Variants in DHCR7 observed in about 807,000 individuals in gnomAD.
The protein encoded by DHCR7 is 7-dehydrocholesterol reductase.
In DHCR7, 40 loss-of-function variants were observed where a neutral mutation model predicts 43.3. The ratio of observed to expected loss-of-function variants is 0.92; its 90% confidence interval spans 0.72 to 1.20. The LOEUF (loss-of-function observed/expected upper bound fraction) is 1.20, where lower values mean the gene tolerates loss of function less well. DHCR7 is among the 50% of genes most tolerant of loss of function. The pLI is 0.00. For missense variants in DHCR7, 608 were observed against 644.6 expected (o/e 0.94, Z 0.62); for synonymous variants, 298 against 271.4 (o/e 1.10, Z -0.96).
At chr11:71,445,046 G>T in intron 2 of DHCR7, 88 bp from the exon 3 acceptor site, 1 of 1,143,274 alleles carries the variant, frequency 8.7e-7, no homozygotes, top group Non-Finnish European at 1.3e-6. Context: ...CCTGGGCCTG[G>T]CAGGGCTGGC....
chr11:71,438,642 AC>A (rs1949314899), intron 7 of DHCR7: 1 of 595,570 alleles, frequency 1.7e-6, no homozygotes. Flanking sequence ...ACCTTCCTGG[AC>A]CACGCCTGGC....
rs576498440 is a variant in DHCR7 at position 71,434,434 on chromosome 11, T to C, written c.*941A>G. ...ACTTATTTGAACAGGGGAAGTTTAA[T>C]ATAAAGATGAACTCTACTCGGAGCA... On this transcript the variant is annotated 3_prime_UTR_variant, in exon 9 of 9. Transcript: ENST00000355527. 1 of 153,284 alleles carries C rather than the reference T, an allele frequency of 6.5e-6. No individual in the cohort carries two copies. The allele number at this position is 153,284 out of a possible 1,614,324, so 9.5% of individuals were successfully genotyped here.
At chr11:71,448,807 C>A (rs991406650), upstream of DHCR7, 1 of 152,278 alleles carries the variant, frequency 6.6e-6, no homozygotes, top group Non-Finnish European at 1.5e-5. Context: ...GCCGGTGCAC[C>A]GCAAGGAGCA....
downstream of DHCR7, among the ~76,000 whole-genome samples, chr11:71,427,871 C>T (rs1167563127): frequency 6.6e-6 from 1 of 152,148 alleles, no homozygotes; most frequent in East Asian, 1.9e-4. Context: ...TGGCCTTATA[C>T]CGTATCCAGC....
Position 71,435,859 on chromosome 11 carries a change from G to A in DHCR7, c.964-20C>T, listed in dbSNP as rs1436223632. On this transcript the variant is annotated intron_variant, in intron 8 of 8. Coordinates refer to ENST00000355527, the MANE Select transcript of DHCR7 (RefSeq NM_001360.3). ...CAGACCCTGGGGGGCGAGGGGGAAG[G>A]GGTCAAGCGGTGCTTTGCCCAGGGA... is the stretch of plus-strand genomic sequence containing the variant. 4.4e-6 allele frequency: 7 copies of A among 1,586,522 alleles called. 1 individual carries two copies. Among genetic ancestry groups the A allele is most frequent in the Middle Eastern group, 1.7e-4 (1 of 6,042 alleles).
At chr11:71,448,685 C>A (rs965019399), upstream of DHCR7, 36 of 152,300 alleles carry the variant, frequency 2.4e-4, no homozygotes, top group African/African-American at 8.4e-4. Flanking sequence ...CCACGTGGGC[C>A]GCGCGGAGAA....
intron 6 of DHCR7, among the ~76,000 whole-genome samples, chr11:71,439,345 C>T (rs1949325249): frequency 6.6e-6 from 1 of 152,172 alleles, no homozygotes; most frequent in Non-Finnish European, 1.5e-5. Flanking sequence ...GGGGCACCTG[C>T]TCTGCACCCG....
rs570180636 is a variant in DHCR7, at chr11:71,435,366, G to A, written c.*9C>T. 1.2e-6 allele frequency: 2 copies of A among 1,611,058 alleles called. No homozygotes were observed. The highest frequency in any genetic ancestry group is 1.7e-5 in the Admixed American group (1 of 60,022). ...ACAGCCCCACAGGGCTTCTCCCTAGGGCGTGCCCTTAGAAGATTCCAGGCA... is the reference window on the plus strand; with the variant it reads ...ACAGCCCCACAGGGCTTCTCCCTAGAGCGTGCCCTTAGAAGATTCCAGGCA... On this transcript the variant is annotated 3_prime_UTR_variant, in exon 9 of 9. Transcript: ENST00000355527.
At chr11:71,445,315 C>A (rs1349173009) in intron 2 of DHCR7, among the ~76,000 whole-genome samples, 1 of 152,228 alleles carries the variant, frequency 6.6e-6, no homozygotes, top group Admixed American at 6.5e-5. Flanking sequence ...CAGGGGTCTT[C>A]ACTCATCCTT....
At chr11:71,437,642 C>T (rs938795677) in intron 8 of DHCR7, among the ~76,000 whole-genome samples, 170 bp downstream of exon 8, 3 of 152,222 alleles carry the variant, frequency 2.0e-5, no homozygotes, top group Admixed American at 2.0e-4. Context: ...AAGGCCACCT[C>T]CCTGGCTGCT....
intron 4 of DHCR7, among the ~76,000 whole-genome samples, chr11:71,443,158 A>G (rs11606033): frequency 0.58 from 87,911 of 152,110 alleles, 27,498 homozygotes; most frequent in Non-Finnish European, 0.74. Flanking sequence ...AGTGTCCCAC[A>G]GTGGGCACAG....
intron 6 of DHCR7, among the ~76,000 whole-genome samples, chr11:71,440,227 C>A (rs936840006): frequency 4.6e-5 from 7 of 152,150 alleles, no homozygotes; most frequent in Non-Finnish European, 1.0e-4. Context: ...TCAGGAGCTG[C>A]GGACATTGCT....
downstream of DHCR7, among the ~76,000 whole-genome samples, chr11:71,430,603 C>T (rs76346843): frequency 0.012 from 1,824 of 152,326 alleles, 38 homozygotes; most frequent in African/African-American, 0.042. Flanking sequence ...TTTCTGGGTA[C>T]TCACACTAGC....
intron 8 of DHCR7, among the ~76,000 whole-genome samples, chr11:71,437,528 G>A (rs1273287562): frequency 6.6e-6 from 1 of 152,142 alleles, no homozygotes; most frequent in African/African-American, 2.4e-5. Flanking sequence ...GGAATGAAGA[G>A]GACCCCTCCT....
Position 71,434,460 on chromosome 11 carries a change from T to C in DHCR7, c.*915A>G, listed in dbSNP as rs1374049513. ...ATAAAGATGAACTCTACTCGGAGCA[T>C]AGAGTTTAAAAAGAGTTCTACACAA... On this transcript the variant is annotated 3_prime_UTR_variant, in exon 9 of 9. Coordinates refer to ENST00000355527, the MANE Select transcript of DHCR7 (RefSeq NM_001360.3). The C allele has an allele frequency of 1.3e-5, 2 of 152,616 alleles. No homozygotes were observed. Among genetic ancestry groups the C allele is most frequent in the Admixed American group, 1.3e-4 (2 of 15,316 alleles). The allele number at this position is 152,616 out of a possible 1,614,324, so 9.5% of individuals were successfully genotyped here. A position where few individuals can be genotyped will look rare whatever the true frequency, so the allele number is the denominator to read the frequency against.
chr11:71,444,849 C>A lies in DHCR7; in HGVS notation c.98+6G>T. On this transcript the variant is annotated splice_donor_region_variant and intron_variant, in intron 3 of 8. Transcript: ENST00000355527. ...TTCTAGCTGGGAGAACAGGCAAGAT[C>A]CTTACCAGGCACGGCCCCACTGCCC... is the stretch of plus-strand genomic sequence containing the variant. 1 of 1,613,308 alleles carries A rather than the reference C, an allele frequency of 6.2e-7. No homozygotes were observed. Among genetic ancestry groups the A allele is most frequent in the Non-Finnish European group, 8.5e-7 (1 of 1,179,204 alleles).
intron 3 of DHCR7, 80 bp downstream of exon 3, chr11:71,444,775 G>A: frequency 8.0e-7 from 1 of 1,249,796 alleles, no homozygotes; most frequent in Admixed American, 1.7e-5. Flanking sequence ...TCATTCCTTT[G>A]GGTCCATACA....
chr11:71,444,219 C>A lies in DHCR7; in HGVS notation c.99-4G>T. ...CAGTGAAAACCAGTCCACCTCCCTG[C>A]GAGGACGGATGCAGGCAGTCACACT... On this transcript the variant is annotated splice_polypyrimidine_tract_variant and splice_region_variant and intron_variant, in intron 3 of 8. Coordinates refer to ENST00000355527, the MANE Select transcript of DHCR7 (RefSeq NM_001360.3). The A allele has an allele frequency of 3.8e-6, 6 of 1,575,674 alleles. No individual in the cohort carries two copies. The highest frequency in any genetic ancestry group is 1.8e-5 in the Admixed American group (1 of 54,296).
chr11:71,431,556 AC>A (rs1394994238), downstream of DHCR7, among the ~76,000 whole-genome samples: 2 of 151,624 alleles, frequency 1.3e-5, no homozygotes, highest in Non-Finnish European at 2.9e-5. Flanking sequence ...CTGCGTGGAA[AC>A]CCCCCTCCTG....
Sources: gnomAD v4.1 joint callset for allele counts (sites outside exome capture counted in the v4.1 genomes callset) on GRCh38, gnomAD v4.1.1 for gene constraint, MANE v1.5 for transcripts, NCBI Gene and HGNC (gene_info 2026-07-23, HGNC 2026-07-21) for gene names.